Variants in FHOD3 observed in about 807,000 individuals in gnomAD.
The protein encoded by FHOD3 is FH1/FH2 domain-containing protein 3.
FHOD3 carries 90 observed loss-of-function variants against 173.0 expected under a neutral mutation model. The ratio of observed to expected loss-of-function variants is 0.52; its 90% confidence interval spans 0.44 to 0.62. The LOEUF is 0.62. Ranked by LOEUF, FHOD3 falls within the 20% of genes least tolerant of loss-of-function variation. The pLI is 0.00. For missense variants in FHOD3, 1,945 were observed against 2,034.7 expected (o/e 0.96, Z 0.85); for synonymous variants, 828 against 823.0 (o/e 1.01, Z -0.10).
chr18:36,670,622 T>G (rs1307102452), intron 14 of FHOD3, among the ~76,000 whole-genome samples: 3 of 152,236 alleles, frequency 2.0e-5, no homozygotes, highest in African/African-American at 7.2e-5. Flanking sequence ...TTTATCATTC[T>G]CCCCAACTAA....
At position 36,408,157 on chromosome 18, in the gene FHOD3, A is replaced by T. The variant is rs184194445; in HGVS notation, c.337+35413A>T. Among the ~76,000 whole-genome samples, 1,031 of 152,308 alleles carry T rather than the reference A, an allele frequency of 6.8e-3. 14 individuals carry two copies. The highest frequency in any genetic ancestry group is 8.6e-3 in the Non-Finnish European group (587 of 68,026). ...CATGAATCCTCTGTCCTGTCCATTC[A>T]CCAGTCTTTCAAACTAATAACAGAA... On this transcript the variant is annotated intron_variant, in intron 3 of 28. Coordinates refer to ENST00000590592, the MANE Select transcript of FHOD3 (RefSeq NM_001281740.3).
rs2040030037 is a variant in FHOD3 at position 36,709,088 on chromosome 18, C to G, written c.2237-7C>G. ...GTCAATATAATCTCCATTGTTGTCT[C>G]CACCAGCAAGTGCCGGGGATCCTGA... is the stretch of plus-strand genomic sequence containing the variant. On this transcript the variant is annotated splice_region_variant and splice_polypyrimidine_tract_variant and intron_variant, in intron 17 of 28. Transcript: ENST00000590592. 2 of 1,611,410 alleles carry G rather than the reference C, an allele frequency of 1.2e-6. No homozygotes were observed. Among genetic ancestry groups the G allele is most frequent in the Non-Finnish European group, 1.7e-6 (2 of 1,177,858 alleles).
chr18:36,319,525 C>T (rs1352690351), intron 1 of FHOD3, among the ~76,000 whole-genome samples: 1 of 152,102 alleles, frequency 6.6e-6, no homozygotes, highest in East Asian at 1.9e-4. Flanking sequence ...TAGACTTTCA[C>T]AAAATAATAA....
At chr18:36,536,203 GTTATACAAA>G (rs1185292709) in intron 5 of FHOD3, among the ~76,000 whole-genome samples, 2 of 152,168 alleles carry the variant, frequency 1.3e-5, no homozygotes, top group African/African-American at 4.8e-5. Flanking sequence ...CCTTGATTAT[GTTATACAAA>G]TTATACAAAT....
chr18:36,748,701 G>C (rs1485984371), intron 24 of FHOD3, among the ~76,000 whole-genome samples: 1 of 152,140 alleles, frequency 6.6e-6, no homozygotes, highest in East Asian at 1.9e-4. Flanking sequence ...TTTTGGTGTG[G>C]GTAGTAAAAG....
chr18:36,578,269 G>A (rs1042532828), intron 6 of FHOD3, among the ~76,000 whole-genome samples: 13 of 152,190 alleles, frequency 8.5e-5, no homozygotes, highest in Non-Finnish European at 1.8e-4. Flanking sequence ...GAAGGCGGAG[G>A]AGGAGCAAAG....
At chr18:36,358,100 A>G (rs2046446443) in intron 2 of FHOD3, among the ~76,000 whole-genome samples, 1 of 152,202 alleles carries the variant, frequency 6.6e-6, no homozygotes, top group African/African-American at 2.4e-5. Flanking sequence ...TGAGACAACC[A>G]AGGGTCAGAA....
chr18:36,702,385 C>T (rs1157104273), intron 17 of FHOD3, among the ~76,000 whole-genome samples: 1 of 152,250 alleles, frequency 6.6e-6, no homozygotes, highest in Non-Finnish European at 1.5e-5. Flanking sequence ...CTAGGAAGAA[C>T]TGGTCTAACA....
rs542617272 is a variant in FHOD3 at position 36,516,368 on chromosome 18, G to T, written c.511+3825G>T. On this transcript the variant is annotated intron_variant, in intron 5 of 28. Coordinates refer to ENST00000590592, the MANE Select transcript of FHOD3 (RefSeq NM_001281740.3). ...GAAGCACAGAGGTCGGCCATGAGGT[G>T]GGGGGAGAGGCAGACTGTGGGCAAA... Among the ~76,000 whole-genome samples, 16 of 152,286 alleles carry T rather than the reference G, an allele frequency of 1.1e-4. No individual in the cohort carries two copies. The South Asian group carries it at 1.2e-3, about 12-fold the overall frequency.
intron 10 of FHOD3, among the ~76,000 whole-genome samples, chr18:36,633,066 G>A (rs2034628845): frequency 6.6e-6 from 1 of 152,224 alleles, no homozygotes; most frequent in Non-Finnish European, 1.5e-5. Flanking sequence ...CGCATGCGCA[G>A]TGCCCTGCTG....
intron 2 of FHOD3, among the ~76,000 whole-genome samples, chr18:36,361,397 C>A (rs2046605985): frequency 6.6e-6 from 1 of 152,058 alleles, no homozygotes; most frequent in Admixed American, 6.6e-5. Context: ...TTAAAAAAAG[C>A]TGTCCAGGCT....
At chr18:36,435,192 T>C (rs2050750284) in intron 3 of FHOD3, among the ~76,000 whole-genome samples, 1 of 151,936 alleles carries the variant, frequency 6.6e-6, no homozygotes, top group African/African-American at 2.4e-5. Flanking sequence ...GGAAGTCATT[T>C]CAAGAGCAAA....
intron 3 of FHOD3, among the ~76,000 whole-genome samples, chr18:36,441,379 A>G (rs950111986): frequency 6.6e-6 from 1 of 152,194 alleles, no homozygotes; most frequent in Non-Finnish European, 1.5e-5. Flanking sequence ...TTAATGTGGT[A>G]AGTGCCAGAA....
At chr18:36,530,088 CTATG>C (rs1283333873) in intron 5 of FHOD3, among the ~76,000 whole-genome samples, 6 of 152,098 alleles carry the variant, frequency 3.9e-5, no homozygotes, top group African/African-American at 1.4e-4. Context: ...AGGTGGAAGA[CTATG>C]TATACTCTCA....
At chr18:36,386,140 A>G (rs1300404608) in intron 3 of FHOD3, among the ~76,000 whole-genome samples, 2 of 152,268 alleles carry the variant, frequency 1.3e-5, no homozygotes, top group Non-Finnish European at 2.9e-5. Context: ...AACAAGAAAC[A>G]TGCTAGTGAT....
At chr18:36,669,926 GA>G (rs1305604913) in intron 14 of FHOD3, among the ~76,000 whole-genome samples, 2 of 151,980 alleles carry the variant, frequency 1.3e-5, no homozygotes, top group East Asian at 3.9e-4. Flanking sequence ...TGCAGGTCTA[GA>G]TAATGAATTA....
intron 16 of FHOD3, among the ~76,000 whole-genome samples, chr18:36,691,077 C>T (rs1402117206): frequency 6.6e-6 from 1 of 152,218 alleles, no homozygotes. Flanking sequence ...TATACAGGCT[C>T]TGGGATGAGT....
At chr18:36,384,904 A>ACCACCACCTT (rs1362035515) in intron 3 of FHOD3, among the ~76,000 whole-genome samples, 1 of 151,058 alleles carries the variant, frequency 6.6e-6, no homozygotes, top group African/African-American at 2.5e-5. Flanking sequence ...AGATACCACC[A>ACCACCACCTT]CCACCACCAC....
intron 2 of FHOD3, among the ~76,000 whole-genome samples, chr18:36,370,681 A>G (rs889799374): frequency 6.6e-6 from 1 of 152,206 alleles, no homozygotes. Context: ...CTGGGCATCT[A>G]TAGCATGTTC....
Sources: allele counts gnomAD v4.1 joint callset (sites outside exome capture counted in the v4.1 genomes callset), GRCh38; gene constraint gnomAD v4.1.1; transcripts MANE v1.5; gene names NCBI Gene and HGNC (gene_info 2026-07-23, HGNC 2026-07-21).